Variants in XKR4 observed in about 807,000 individuals in gnomAD.
XKR4 encodes XK-related protein 4.
A neutral mutation model predicts 53.9 loss-of-function variants in XKR4; 12 were observed. The observed-to-expected ratio is 0.22, with a 90% confidence interval of 0.14 to 0.36. The LOEUF (loss-of-function observed/expected upper bound fraction) is 0.36. Ranked by LOEUF, XKR4 falls within the 10% of genes least tolerant of loss-of-function variation. The pLI is 1.00. For missense variants in XKR4, 799 were observed against 859.5 expected, an observed-to-expected ratio of 0.93 and a Z score of 0.88; for synonymous variants, 354 against 362.4, an observed-to-expected ratio of 0.98 and a Z score of 0.26.
intron 1 of XKR4, among the ~76,000 whole-genome samples, chr8:55,118,784 C>A (rs2129351739): frequency 6.6e-6 from 1 of 152,132 alleles, no homozygotes; most frequent in South Asian, 2.1e-4. Context: ...TGTGCAGTAT[C>A]ATTTTTCTTT....
chr8:55,120,171 T>C (rs1816371144), intron 1 of XKR4, among the ~76,000 whole-genome samples: 1 of 152,180 alleles, frequency 6.6e-6, no homozygotes, highest in Non-Finnish European at 1.5e-5. Flanking sequence ...GCCTGCTGCT[T>C]AACCAACCTC....
At chr8:55,330,904 GT>G (rs1393420955) in intron 1 of XKR4, among the ~76,000 whole-genome samples, 1 of 152,096 alleles carries the variant, frequency 6.6e-6, no homozygotes, top group African/African-American at 2.4e-5. Flanking sequence ...CAAGTTGTGA[GT>G]CCATGGAATC....
chr8:55,376,110 T>A (rs914220102), intron 2 of XKR4, among the ~76,000 whole-genome samples: 1 of 152,240 alleles, frequency 6.6e-6, no homozygotes, highest in African/African-American at 2.4e-5. Context: ...GTACCACATT[T>A]TCTCTAACCG....
intron 2 of XKR4, among the ~76,000 whole-genome samples, chr8:55,480,979 T>G (rs1323222902): frequency 6.6e-6 from 1 of 152,128 alleles, no homozygotes; most frequent in South Asian, 2.1e-4. Flanking sequence ...CTGCACAAGG[T>G]AATTTATAGA....
chr8:55,296,299 G>A (rs568117987), intron 1 of XKR4, among the ~76,000 whole-genome samples: 5 of 152,132 alleles, frequency 3.3e-5, no homozygotes, highest in Non-Finnish European at 7.4e-5. Context: ...TAGTCACACA[G>A]CCACCCTCAG....
chr8:55,400,786 C>T (rs1286155724), intron 2 of XKR4, among the ~76,000 whole-genome samples: 1 of 152,108 alleles, frequency 6.6e-6, no homozygotes, highest in African/African-American at 2.4e-5. Context: ...CTGGGGTGGT[C>T]GTGCCTTGCC....
intron 1 of XKR4, among the ~76,000 whole-genome samples, chr8:55,181,022 TA>T (rs1005555321): frequency 1.3e-5 from 2 of 152,176 alleles, no homozygotes; most frequent in Non-Finnish European, 2.9e-5. Context: ...TCCATTGAAT[TA>T]AAACATTAAA....
At chr8:55,281,441 G>A (rs1818843464) in intron 1 of XKR4, among the ~76,000 whole-genome samples, 4 of 152,300 alleles carry the variant, frequency 2.6e-5, no homozygotes, top group Admixed American at 2.0e-4. Flanking sequence ...TAGGGAGAGG[G>A]AAGAGGAGGG....
chr8:55,121,825 TACA>T (rs1816394868), intron 1 of XKR4, among the ~76,000 whole-genome samples: 1 of 107,408 alleles, frequency 9.3e-6, no homozygotes, highest in South Asian at 3.7e-4. Flanking sequence ...ACGGCACAAA[TACA>T]ACATTACACA....
At chr8:55,437,698 G>A (rs1360341807) in intron 2 of XKR4, among the ~76,000 whole-genome samples, 1 of 152,168 alleles carries the variant, frequency 6.6e-6, no homozygotes, top group East Asian at 1.9e-4. Context: ...GTTGCATACT[G>A]GTATAGATAT....
intron 1 of XKR4, among the ~76,000 whole-genome samples, chr8:55,236,880 T>C (rs923468943): frequency 2.0e-5 from 3 of 152,164 alleles, no homozygotes; most frequent in Non-Finnish European, 4.4e-5. Context: ...GTCTGGACTC[T>C]CTCTCCCTCT....
In XKR4 at chr8:55,523,514, T is replaced by C. The variant is rs1420007505; in HGVS notation, c.1240T>C (p.Phe414Leu). Residue 414 changes from phenylalanine to leucine, a missense_variant, in exon 3 of 3, where the codon TTC becomes CTC. By Grantham distance (22) the Phe-to-Leu change is conservative. Around this residue, in one of 3 missense-constraint regions of XKR4, gnomAD observed 54 missense variants for 89.7 expected, o/e 0.60. Transcript: ENST00000327381. ...CGTCCTTCACTGGTGCATCATGACC[T>C]TCTGGATCGTCCACTGTGAGACAGA... is the stretch of plus-strand genomic sequence containing the variant. ...FIVLHWCIMTFWIVHCETEFC... is the reference protein window; with the variant it reads ...FIVLHWCIMTLWIVHCETEFC... 6.2e-7 allele frequency: 1 copy of C among 1,614,218 alleles called. No individual in the cohort carries two copies. Among genetic ancestry groups the C allele is most frequent in the East Asian group, 2.2e-5 (1 of 44,892 alleles).
At chr8:55,332,336 A>G (rs1803393954) in intron 1 of XKR4, among the ~76,000 whole-genome samples, 1 of 152,110 alleles carries the variant, frequency 6.6e-6, no homozygotes, top group Non-Finnish European at 1.5e-5. Flanking sequence ...TAAAAGCTGG[A>G]GTTACCAAAC....
intron 2 of XKR4, among the ~76,000 whole-genome samples, chr8:55,396,399 GT>G (rs71256534): frequency 0.26 from 22,913 of 87,708 alleles, 1,707 homozygotes; most frequent in Middle Eastern, 0.39. Flanking sequence ...TTTTTGTTTG[GT>G]TTTTTTTTTT....
intron 1 of XKR4, among the ~76,000 whole-genome samples, chr8:55,231,636 T>C (rs970967852): frequency 7.2e-5 from 11 of 152,132 alleles, no homozygotes; most frequent in Non-Finnish European, 1.6e-4. Context: ...TATTTTTTTT[T>C]TCAAAGGAAT....
intron 1 of XKR4, among the ~76,000 whole-genome samples, chr8:55,202,456 C>T (rs1331184243): frequency 6.6e-6 from 1 of 152,220 alleles, no homozygotes; most frequent in Non-Finnish European, 1.5e-5. Flanking sequence ...TCAGTGCCTT[C>T]CAGACAATTC....
At chr8:55,279,708 C>A (rs142631148) in intron 1 of XKR4, among the ~76,000 whole-genome samples, 1 of 152,138 alleles carries the variant, frequency 6.6e-6, no homozygotes, top group Non-Finnish European at 1.5e-5. Flanking sequence ...GACAGCTGTT[C>A]GCCTCAGCCC....
At chr8:55,352,765 A>T (rs548516693) in intron 1 of XKR4, among the ~76,000 whole-genome samples, 10 of 152,368 alleles carry the variant, frequency 6.6e-5, no homozygotes, top group African/African-American at 2.4e-4. Flanking sequence ...GCCCAAAGTC[A>T]TACCATTAGT....
At position 55,289,629 on chromosome 8, in the gene XKR4, GAAA is replaced by G. The variant is rs1563316404; in HGVS notation, c.807-68048_807-68046del. On this transcript the variant is annotated intron_variant, in intron 1 of 2. Transcript: ENST00000327381. Reference sequence around the variant, plus strand: ...AGAAAGAAAGAAAGAAAGAAAGAAAGAAAGAAAGAAAGAAAGAAAGGAAGGAAG... The same window carrying G: ...AGAAAGAAAGAAAGAAAGAAAGAAAGGAAAGAAAGAAAGAAAGGAAGGAAG... Among the ~76,000 whole-genome samples, 515 of 115,404 alleles carry G rather than the reference GAAA, an allele frequency of 4.5e-3. 9 individuals carry two copies. The highest frequency in any genetic ancestry group is 0.014 in the African/African-American group (417 of 28,852). The allele number at this position is 115,404 out of a possible 152,430, so 75.7% of individuals were successfully genotyped here. A position where few individuals can be genotyped will look rare whatever the true frequency, so the allele number is the denominator to read the frequency against.
Sources: gnomAD v4.1 joint callset for allele counts (sites outside exome capture counted in the v4.1 genomes callset) on GRCh38, gnomAD v4.1.1 for gene constraint, gnomAD v4.1.1 regional missense constraint, MANE v1.5 for transcripts, NCBI Gene and HGNC (gene_info 2026-07-23, HGNC 2026-07-21) for gene names.